The following TSPAN15 variants were observed in gnomAD, a reference collection of about 807,000 sequenced individuals.
The protein encoded by TSPAN15 is tetraspanin-15.
Under a neutral mutation model 34.5 loss-of-function variants are expected in TSPAN15, and 20 were observed. The observed-to-expected ratio is 0.58, with a 90% CI of 0.41 to 0.84. The LOEUF is 0.84. Among genes scored for constraint, TSPAN15 ranks in the 40% least tolerant of loss-of-function variants. The pLI, the probability that TSPAN15 is intolerant of heterozygous loss-of-function variation, is 0.00. For synonymous variants in TSPAN15, 155 were observed against 153.9 expected (o/e 1.01, Z -0.05); for missense variants, 313 against 386.1 (o/e 0.81, Z 1.59).
In TSPAN15 at chr10:69,504,524, C is replaced by T. The variant is rs368297176; in HGVS notation, c.618+39C>T. 23 of 1,609,262 alleles carry T rather than the reference C, an allele frequency of 1.4e-5. No homozygotes were observed. In the African/African-American group the frequency reaches 2.3e-4, roughly 16 times the overall value. ...AATGCCTTTCCCTGGAAATGTTGCT[C>T]TTCCTGGTCCACCCTGGGGTGATCG... On this transcript the variant is annotated intron_variant, in intron 6 of 7. Transcript: ENST00000373290.
the TSPAN15 span, among the ~76,000 whole-genome samples, chr10:69,525,845 T>A: frequency 2.8e-5 from 4 of 142,146 alleles, 2 homozygotes; most frequent in East Asian, 1.1e-3. Flanking sequence ...CTATTCAACC[T>A]AAGATAAAGA....
the TSPAN15 span, among the ~76,000 whole-genome samples, chr10:69,514,835 A>T: frequency 3.9e-5 from 6 of 152,218 alleles, no homozygotes; most frequent in African/African-American, 1.4e-4. Flanking sequence ...TTAAACAAGG[A>T]TACAGACAAG....
the TSPAN15 span, among the ~76,000 whole-genome samples, chr10:69,537,969 G>A: frequency 5.9e-5 from 9 of 152,194 alleles, no homozygotes; most frequent in African/African-American, 1.9e-4. Flanking sequence ...AGACCTGCAC[G>A]GTTGAGTTCT....
At chr10:69,517,066 C>T in the TSPAN15 span, among the ~76,000 whole-genome samples, 2 of 152,216 alleles carry the variant, frequency 1.3e-5, no homozygotes, top group Non-Finnish European at 2.9e-5. Context: ...TCTGCCTTCT[C>T]CTCTCCAGAA....
At chr10:69,459,926 C>G (rs1415804253) in intron 1 of TSPAN15, among the ~76,000 whole-genome samples, 2 of 133,150 alleles carry the variant, frequency 1.5e-5, no homozygotes, top group Non-Finnish European at 3.4e-5. Context: ...AGGCACCCCC[C>G]CCCCACGAAT....
chr10:69,468,894 A>T (rs963923180), intron 1 of TSPAN15, among the ~76,000 whole-genome samples: 1 of 152,206 alleles, frequency 6.6e-6, no homozygotes, highest in Non-Finnish European at 1.5e-5. Context: ...CAGAGCTCTT[A>T]AAACCCTTGG....
At chr10:69,547,829 T>G in the TSPAN15 span, among the ~76,000 whole-genome samples, 1 of 152,208 alleles carries the variant, frequency 6.6e-6, no homozygotes, top group Non-Finnish European at 1.5e-5. Context: ...CAGAGATGGG[T>G]GAAGAGTAGA....
At chr10:69,481,858 A>G (rs1251317641) in intron 1 of TSPAN15, among the ~76,000 whole-genome samples, 1 of 152,238 alleles carries the variant, frequency 6.6e-6, no homozygotes, top group African/African-American at 2.4e-5. Context: ...CCAGAAAGTC[A>G]GAATCCTTGG....
At chr10:69,538,254 C>T in the TSPAN15 span, among the ~76,000 whole-genome samples, 3 of 152,134 alleles carry the variant, frequency 2.0e-5, no homozygotes, top group Non-Finnish European at 4.4e-5. Context: ...TGGGGGTTTG[C>T]CTGGTTTAGT....
Position 69,483,795 on chromosome 10 carries a change from C to T in TSPAN15, c.201C>T (p.Ile67=). ...TCCTGGCTCCAGCCATCATCCTCAT[C>T]CTCCTGGGCGTCGTCATGTTCATGG... The part of the protein sequence containing the change: ...SAFLAPAIIL[I]LLGVVMFMVS... The change falls in exon 2 of 8, where the codon ATC becomes ATT. Residue 67 remains isoleucine (I), a synonymous_variant. Transcript: ENST00000373290. 1.2e-6 allele frequency: 2 copies of T among 1,614,218 alleles called. No individual in the cohort carries two copies. The highest frequency in any genetic ancestry group is 1.7e-6 in the Non-Finnish European group (2 of 1,180,046).
rs187146270 is a variant in TSPAN15 at position 69,465,269 on chromosome 10, C to T, written c.96+13579C>T. Among the ~76,000 whole-genome samples, 181 of 152,306 alleles carry T rather than the reference C, an allele frequency of 1.2e-3. 1 individual carries two copies. The highest frequency in any genetic ancestry group is 3.9e-3 in the African/African-American group (161 of 41,560). On this transcript the variant is annotated intron_variant, in intron 1 of 7. Transcript: ENST00000373290. ...GCTTTCCAACCACTAGGTGGGTAGACTCATGTTCAGAGCAGAGACAAGATG... is the reference window on the plus strand; with the variant it reads ...GCTTTCCAACCACTAGGTGGGTAGATTCATGTTCAGAGCAGAGACAAGATG...
In TSPAN15 at chr10:69,451,701, CCA is replaced by C; in HGVS notation, c.96+12_96+13del. On this transcript the variant is annotated intron_variant, in intron 1 of 7. Transcript: ENST00000373290. ...TCCACCGTGTTCTGGGTGAGTGACC[CCA>C]GTAGGGCCCGGGGATGGGGGTGGGG... 8.8e-6 allele frequency: 13 copies of C among 1,474,710 alleles called. No homozygotes were observed. Among genetic ancestry groups the C allele is most frequent in the Non-Finnish European group, 1.2e-5 (13 of 1,106,540 alleles). The allele number at this position is 1,474,710 out of a possible 1,614,324, so 91.4% of individuals were successfully genotyped here.
At chr10:69,474,677 C>T (rs1025549654) in intron 1 of TSPAN15, among the ~76,000 whole-genome samples, 2 of 152,014 alleles carry the variant, frequency 1.3e-5, no homozygotes, top group African/African-American at 2.4e-5. Flanking sequence ...TACCCCTGAG[C>T]GGTTACCCTG....
At chr10:69,462,155 GTTTT>G (rs755068937) in intron 1 of TSPAN15, among the ~76,000 whole-genome samples, 3 of 82,710 alleles carry the variant, frequency 3.6e-5, no homozygotes, top group Non-Finnish European at 7.3e-5. Flanking sequence ...TAATTTTAAA[GTTTT>G]TTTTTTTTTT....
intron 1 of TSPAN15, among the ~76,000 whole-genome samples, chr10:69,478,676 T>C (rs1176129671): frequency 6.6e-6 from 1 of 152,172 alleles, no homozygotes; most frequent in African/African-American, 2.4e-5. Flanking sequence ...GAACAAGATA[T>C]TTAAATGCAT....
intron 3 of TSPAN15, among the ~76,000 whole-genome samples, chr10:69,486,646 G>A (rs543601803): frequency 6.6e-6 from 1 of 152,302 alleles, no homozygotes; most frequent in Admixed American, 6.5e-5. Flanking sequence ...GGCAGCAGGT[G>A]CTGTCCCACA....
At chr10:69,514,039 T>C in the TSPAN15 span, among the ~76,000 whole-genome samples, 11 of 152,258 alleles carry the variant, frequency 7.2e-5, no homozygotes, top group Non-Finnish European at 1.5e-4. Flanking sequence ...TGTAGGTTTT[T>C]CATGGACATT....
In TSPAN15 at chr10:69,506,350, C is replaced by T. The variant is rs1842327415; in HGVS notation, c.735+110C>T. On this transcript the variant is annotated intron_variant, in intron 7 of 7. Transcript: ENST00000373290. This position sits in a 1 kb window ranked among gnomAD's most constrained non-coding sequence, Gnocchi z 4.7. ...TTTTTTCATAGAAGTCCAGGACTTGCCTGGGGAGGGCTGCATGGCTGGAAG... is the reference window on the plus strand; with the variant it reads ...TTTTTTCATAGAAGTCCAGGACTTGTCTGGGGAGGGCTGCATGGCTGGAAG... 1.9e-6 allele frequency: 2 copies of T among 1,049,132 alleles called. No homozygotes were observed. The highest frequency in any genetic ancestry group is 2.9e-5 in the South Asian group (2 of 68,246). The allele number at this position is 1,049,132 out of a possible 1,614,324, so 65.0% of individuals were successfully genotyped here. A position where few individuals can be genotyped will look rare whatever the true frequency, so the allele number is the denominator to read the frequency against.
the TSPAN15 span, among the ~76,000 whole-genome samples, chr10:69,539,500 A>AAGAAGT: frequency 2.6e-5 from 2 of 78,090 alleles, no homozygotes; most frequent in Admixed American, 2.6e-4. Flanking sequence ...GAAGAAGAAG[A>AAGAAGT]AGAAGAAGAA....
Sources: allele counts gnomAD v4.1 joint callset (sites outside exome capture counted in the v4.1 genomes callset), GRCh38; gene constraint gnomAD v4.1.1; non-coding constraint Gnocchi (gnomAD v3.1); transcripts MANE v1.5; gene names NCBI Gene and HGNC (gene_info 2026-07-23, HGNC 2026-07-21).